ZDHHC14: variants seen among roughly 807,000 people sequenced by gnomAD.
ZDHHC14 encodes palmitoyltransferase ZDHHC14.
In ZDHHC14, 16 loss-of-function variants were observed where a neutral mutation model predicts 47.7. That is an observed-to-expected ratio of 0.34 (90% CI 0.23 to 0.51). The LOEUF is 0.51. Among genes scored for constraint, ZDHHC14 ranks in the 20% least tolerant of loss-of-function variants. The pLI is 0.97. For missense variants in ZDHHC14, 515 were observed against 662.5 expected, an observed-to-expected ratio of 0.78 and a Z score of 2.44; for synonymous variants, 293 against 278.9, an observed-to-expected ratio of 1.05 and a Z score of -0.50.
intron 1 of ZDHHC14, among the ~76,000 whole-genome samples, chr6:157,518,956 T>C (rs922492244): frequency 6.6e-6 from 1 of 152,196 alleles, no homozygotes; most frequent in Non-Finnish European, 1.5e-5. Flanking sequence ...GAGCTGTTCA[T>C]GGTGAGGACT....
intron 2 of ZDHHC14, among the ~76,000 whole-genome samples, chr6:157,558,783 T>TAA (rs3056793): frequency 1.9e-4 from 27 of 144,094 alleles, no homozygotes; most frequent in Non-Finnish European, 3.5e-4. Context: ...ACTTTGGTGG[T>TAA]AAAAAAAAAA....
intron 2 of ZDHHC14, among the ~76,000 whole-genome samples, chr6:157,568,822 G>A (rs1358156233): frequency 6.6e-6 from 1 of 151,976 alleles, no homozygotes; most frequent in Non-Finnish European, 1.5e-5. Flanking sequence ...TTTTGACCTC[G>A]CTTGTTTGAA....
intron 1 of ZDHHC14, among the ~76,000 whole-genome samples, chr6:157,385,097 CT>C (rs1777285467): frequency 6.6e-6 from 1 of 151,582 alleles, no homozygotes; most frequent in African/African-American, 2.4e-5. Context: ...GTCTAGATAG[CT>C]TTTTATTGGA....
chr6:157,517,301 A>G (rs1168877585), intron 1 of ZDHHC14, among the ~76,000 whole-genome samples: 1 of 147,264 alleles, frequency 6.8e-6, no homozygotes, highest in African/African-American at 2.5e-5. Flanking sequence ...CCACTAAAAG[A>G]CTTCTGCTCT....
chr6:157,602,367 G>A (rs71563715), intron 3 of ZDHHC14, among the ~76,000 whole-genome samples: 38,227 of 150,758 alleles, frequency 0.25, 5,106 homozygotes, highest in Admixed American at 0.37. Context: ...ATTAGCACCT[G>A]TAATCCCAGC....
intron 1 of ZDHHC14, among the ~76,000 whole-genome samples, chr6:157,526,289 C>A (rs529717665): frequency 1.3e-5 from 2 of 152,184 alleles, no homozygotes; most frequent in Non-Finnish European, 2.9e-5. Flanking sequence ...TCCAATTTAA[C>A]ACATGATGAA....
At chr6:157,533,095 C>T (rs1184727662) in intron 1 of ZDHHC14, among the ~76,000 whole-genome samples, 1 of 152,122 alleles carries the variant, frequency 6.6e-6, no homozygotes, top group Admixed American at 6.5e-5. Context: ...GTTTGAAACA[C>T]AAATAGGATT....
chr6:157,411,583 A>G (rs1338114640), intron 1 of ZDHHC14, among the ~76,000 whole-genome samples: 29 of 152,164 alleles, frequency 1.9e-4, no homozygotes, highest in Admixed American at 1.9e-3. Flanking sequence ...ACTTTCTTAC[A>G]TAGAAGATAA....
chr6:157,598,925 A>G (rs1274768379), intron 3 of ZDHHC14, among the ~76,000 whole-genome samples: 1 of 152,238 alleles, frequency 6.6e-6, no homozygotes, highest in African/African-American at 2.4e-5. Flanking sequence ...GAAACAATAA[A>G]ACTAGAAATG....
At chr6:157,607,393 A>AAAAC (rs548546278) in intron 3 of ZDHHC14, among the ~76,000 whole-genome samples, 30 of 152,252 alleles carry the variant, frequency 2.0e-4, no homozygotes, top group Admixed American at 9.2e-4. Flanking sequence ...CTCTTTTTTT[A>AAAAC]AAACAAACAA....
intron 5 of ZDHHC14, among the ~76,000 whole-genome samples, chr6:157,636,103 C>A (rs1308415075): frequency 6.6e-6 from 1 of 152,074 alleles, no homozygotes; most frequent in African/African-American, 2.4e-5. Flanking sequence ...CAGGCCACAC[C>A]CGCACCTCCA....
Position 157,653,512 on chromosome 6 carries a change from T to C in ZDHHC14, c.966-13T>C, listed in dbSNP as rs745795234. On this transcript the variant is annotated splice_polypyrimidine_tract_variant and intron_variant, in intron 7 of 8. Coordinates refer to ENST00000359775, the MANE Select transcript of ZDHHC14 (RefSeq NM_024630.3). ...TTCACTCTCTTCCTGCTGTGTTTTCTTTTCTCTCGCAGCCTGATCGACAGA... is the reference window on the plus strand; with the variant it reads ...TTCACTCTCTTCCTGCTGTGTTTTCCTTTCTCTCGCAGCCTGATCGACAGA... 4 of 1,613,170 alleles carry C rather than the reference T, an allele frequency of 2.5e-6. No individual in the cohort carries two copies. The highest frequency in any genetic ancestry group is 3.4e-6 in the Non-Finnish European group (4 of 1,179,746).
rs976583652 is a variant in ZDHHC14, at chr6:157,474,063, A to T, written c.246-68522A>T. On this transcript the variant is annotated intron_variant, in intron 1 of 8. Transcript: ENST00000359775. ...GAGTGCAATGGTGCCATCTAGACTCACTGCAGCCTCCACCTCCCGGGTTCA... is the reference window on the plus strand; with the variant it reads ...GAGTGCAATGGTGCCATCTAGACTCTCTGCAGCCTCCACCTCCCGGGTTCA... Among the ~76,000 whole-genome samples, 4 of 145,512 alleles carry T rather than the reference A, an allele frequency of 2.7e-5. No homozygotes were observed. The Admixed American group carries it at 2.9e-4, about 10-fold the overall frequency.
At chr6:157,621,660 A>G (rs971109962) in intron 3 of ZDHHC14, among the ~76,000 whole-genome samples, 5 of 151,672 alleles carry the variant, frequency 3.3e-5, no homozygotes, top group African/African-American at 7.3e-5. Context: ...CTCTGGATCC[A>G]CTCTTGAGGG....
chr6:157,489,127 C>T (rs2114725234), intron 1 of ZDHHC14, among the ~76,000 whole-genome samples: 1 of 152,336 alleles, frequency 6.6e-6, no homozygotes, highest in African/African-American at 2.4e-5. Flanking sequence ...AGCAACCTGC[C>T]TCATCCGATT....
intron 2 of ZDHHC14, among the ~76,000 whole-genome samples, chr6:157,564,553 T>C (rs949282195): frequency 6.6e-6 from 1 of 152,244 alleles, no homozygotes; most frequent in Non-Finnish European, 1.5e-5. Flanking sequence ...CAGACATCTC[T>C]GCAAGGTAGT....
intron 1 of ZDHHC14, among the ~76,000 whole-genome samples, chr6:157,416,494 A>G (rs1312345111): frequency 6.6e-6 from 1 of 151,524 alleles, no homozygotes; most frequent in Non-Finnish European, 1.5e-5. Context: ...GAGACCTTCT[A>G]TCAAAAAAAA....
At chr6:157,614,950 TA>T (rs1308145123) in intron 3 of ZDHHC14, among the ~76,000 whole-genome samples, 2 of 152,054 alleles carry the variant, frequency 1.3e-5, no homozygotes, top group Non-Finnish European at 1.5e-5. Context: ...TTTGTAATTT[TA>T]GTAGGTGGGA....
chr6:157,519,160 C>A (rs1464869796), intron 1 of ZDHHC14, among the ~76,000 whole-genome samples: 1 of 152,236 alleles, frequency 6.6e-6, no homozygotes, highest in East Asian at 1.9e-4. Context: ...ACGAAGAATC[C>A]AACTGCAAAG....
Sources: gnomAD v4.1 joint callset for allele counts (sites outside exome capture counted in the v4.1 genomes callset) on GRCh38, gnomAD v4.1.1 for gene constraint, MANE v1.5 for transcripts, NCBI Gene and HGNC (gene_info 2026-07-23, HGNC 2026-07-21) for gene names.